The following MOB1B variants were observed in gnomAD, a reference collection of about 807,000 sequenced individuals.
MOB1B encodes MOB kinase activator 1B.
A neutral mutation model predicts 24.4 loss-of-function variants in MOB1B; 19 were observed. That is an observed-to-expected ratio of 0.78 (90% CI 0.54 to 1.14). MOB1B has a LOEUF of 1.14. MOB1B is among the 50% of genes most tolerant of loss of function. The probability of loss-of-function intolerance (pLI) is 0.00; values close to 1 mark genes in which losing one functional copy is unlikely to be tolerated. For missense variants in MOB1B, 243 were observed against 259.6 expected (o/e 0.94, Z 0.44); for synonymous variants, 76 against 82.1 (o/e 0.93, Z 0.40).
At chr4:70,971,471 C>G (rs1273079197) in intron 3 of MOB1B, among the ~76,000 whole-genome samples, 1 of 148,452 alleles carries the variant, frequency 6.7e-6, no homozygotes, top group African/African-American at 2.5e-5. Flanking sequence ...AGTGTGTGTA[C>G]TCCAGCCTGA....
intron 1 of MOB1B, among the ~76,000 whole-genome samples, chr4:70,939,271 A>G (rs904013499): frequency 6.6e-6 from 1 of 152,218 alleles, no homozygotes; most frequent in Non-Finnish European, 1.5e-5. Flanking sequence ...CAAAGTCACA[A>G]TAAAGTGAAG....
At chr4:70,930,481 G>A (rs978562245) in intron 1 of MOB1B, among the ~76,000 whole-genome samples, 1 of 152,206 alleles carries the variant, frequency 6.6e-6, no homozygotes, top group African/African-American at 2.4e-5. Flanking sequence ...TGAGTAAACA[G>A]TCGTGTCCAA....
intron 1 of MOB1B, among the ~76,000 whole-genome samples, chr4:70,923,185 G>C (rs1736505466): frequency 6.6e-6 from 1 of 152,062 alleles, no homozygotes; most frequent in Non-Finnish European, 1.5e-5. Context: ...AACAATTTTG[G>C]GGCCAAGCAG....
intron 1 of MOB1B, among the ~76,000 whole-genome samples, chr4:70,930,892 T>G (rs1736864941): frequency 6.6e-6 from 1 of 152,080 alleles, no homozygotes. Flanking sequence ...TCAAATAATG[T>G]GAAATGTCAC....
chr4:70,906,524 G>A (rs558425364), intron 1 of MOB1B, among the ~76,000 whole-genome samples: 7 of 152,310 alleles, frequency 4.6e-5, no homozygotes, highest in East Asian at 3.9e-4. Context: ...GTAGTATGGC[G>A]GAAGGTTGTA....
chr4:70,969,769 C>G (rs760552701), intron 2 of MOB1B, among the ~76,000 whole-genome samples, 162 bp from the exon 3 acceptor site: 1 of 151,946 alleles, frequency 6.6e-6, no homozygotes, highest in Non-Finnish European at 1.5e-5. Flanking sequence ...GTTTGATGAA[C>G]ACAAGCTCCT....
chr4:70,959,363 C>G (rs1487379440), intron 2 of MOB1B, among the ~76,000 whole-genome samples: 1 of 152,120 alleles, frequency 6.6e-6, no homozygotes, highest in Non-Finnish European at 1.5e-5. Flanking sequence ...GCACATACCA[C>G]CCTGCCTGGC....
chr4:70,956,008 A>C (rs934402805), intron 1 of MOB1B, among the ~76,000 whole-genome samples: 1 of 151,958 alleles, frequency 6.6e-6, no homozygotes, highest in Non-Finnish European at 1.5e-5. Context: ...AGTAGTTGGG[A>C]CTACAGGCGT....
chr4:70,922,684 A>G (rs1736486425), intron 1 of MOB1B, among the ~76,000 whole-genome samples: 1 of 152,196 alleles, frequency 6.6e-6, no homozygotes, highest in African/African-American at 2.4e-5. Flanking sequence ...AGGCATTTCT[A>G]TTTTTATTCC....
chr4:70,906,860 G>C (rs920215430), intron 1 of MOB1B, among the ~76,000 whole-genome samples: 2 of 152,168 alleles, frequency 1.3e-5, no homozygotes, highest in Non-Finnish European at 2.9e-5. Context: ...TGTGCCAGGC[G>C]TAGAGGAAGA....
chr4:70,916,757 C>G (rs192327382), intron 1 of MOB1B, among the ~76,000 whole-genome samples: 1 of 152,046 alleles, frequency 6.6e-6, no homozygotes, highest in East Asian at 1.9e-4. Context: ...TTAGTAGAGA[C>G]GGGGTTTCAC....
rs72854134 is a variant in MOB1B at position 70,968,751 on chromosome 4, C to T, written c.182-1180C>T. On this transcript the variant is annotated intron_variant, in intron 2 of 5. Coordinates refer to ENST00000309395, the MANE Select transcript of MOB1B (RefSeq NM_173468.4). ...TGTCTCAGCCTTCTGAATGGTGTGG[C>T]TTGGACTGCAGGAGAGCACCACCAT... Among the ~76,000 whole-genome samples the T allele has an allele frequency of 3.0e-3, 462 of 152,200 alleles. 4 individuals are homozygous for T. The highest frequency in any genetic ancestry group is 0.011 in the African/African-American group (446 of 41,526).
At chr4:70,919,178 G>A (rs1736322061) in intron 1 of MOB1B, among the ~76,000 whole-genome samples, 1 of 152,008 alleles carries the variant, frequency 6.6e-6, no homozygotes, top group South Asian at 2.1e-4. Context: ...GGAGCGGGGA[G>A]GGATAGCATT....
intron 1 of MOB1B, among the ~76,000 whole-genome samples, chr4:70,936,174 A>G (rs1737077356): frequency 6.6e-6 from 1 of 151,724 alleles, no homozygotes; most frequent in Non-Finnish European, 1.5e-5. Context: ...TTGTATTTTT[A>G]GTAGAGACAG....
intron 1 of MOB1B, among the ~76,000 whole-genome samples, chr4:70,917,050 A>G (rs1052061050): frequency 6.6e-6 from 1 of 152,236 alleles, no homozygotes; most frequent in African/African-American, 2.4e-5. Flanking sequence ...TATGAGGGAT[A>G]CATTTCTAAC....
chr4:70,945,652 G>A (rs1315950990), intron 1 of MOB1B, among the ~76,000 whole-genome samples: 2 of 152,278 alleles, frequency 1.3e-5, no homozygotes, highest in South Asian at 2.1e-4. Flanking sequence ...GCTCTATTCT[G>A]ACCTAGGCCT....
In MOB1B at chr4:70,926,748, T is replaced by TG. The variant is rs1290693455; in HGVS notation, c.14+24199dup. 2.0e-5 allele frequency among the ~76,000 whole-genome samples: 3 copies of TG among 152,186 alleles called. No individual in the cohort carries two copies. In the East Asian group the frequency reaches 5.8e-4, roughly 29 times the overall value. On this transcript the variant is annotated intron_variant, in intron 1 of 5. Transcript: ENST00000309395. Reference sequence around the variant, plus strand: ...TGTGCCGGGCGCAGTGGCTCACGCCTGTAATCCCAGCATTTTGGGAGGTGG... The same window carrying TG: ...TGTGCCGGGCGCAGTGGCTCACGCCTGGTAATCCCAGCATTTTGGGAGGTGG...
At chr4:70,932,582 T>C (rs1736926062) in intron 1 of MOB1B, among the ~76,000 whole-genome samples, 1 of 152,226 alleles carries the variant, frequency 6.6e-6, no homozygotes. Flanking sequence ...AATAAGGTTC[T>C]AGAGAGGCTG....
chr4:70,965,812 A>AG (rs1347714976), intron 2 of MOB1B, among the ~76,000 whole-genome samples: 1 of 150,838 alleles, frequency 6.6e-6, no homozygotes, highest in Non-Finnish European at 1.5e-5. Context: ...AAAAAAAAAA[A>AG]AAAAAAAAAA....
Sources: allele counts gnomAD v4.1 joint callset (sites outside exome capture counted in the v4.1 genomes callset), GRCh38; gene constraint gnomAD v4.1.1; transcripts MANE v1.5; gene names NCBI Gene and HGNC (gene_info 2026-07-23, HGNC 2026-07-21).